The following EEIG2 variants were observed in gnomAD, a reference collection of about 807,000 sequenced individuals.
EEIG2 encodes the protein EEIG family member 2, also known as family with sequence similarity 102 member B.
chr1:108,569,035 A>C, the EEIG2 span, among the ~76,000 whole-genome samples: 1 of 152,228 alleles, frequency 6.6e-6, no homozygotes, highest in African/African-American at 2.4e-5. Flanking sequence ...TCCTTAGAAA[A>C]TAATTTGTTC....
chr1:108,599,094 G>A, the EEIG2 span, among the ~76,000 whole-genome samples: 1 of 152,050 alleles, frequency 6.6e-6, no homozygotes, highest in Non-Finnish European at 1.5e-5. Context: ...TGGCCTGAGA[G>A]GTCAAGGCTG....
At chr1:108,565,336 C>T in the EEIG2 span, among the ~76,000 whole-genome samples, 3 of 152,244 alleles carry the variant, frequency 2.0e-5, no homozygotes, top group Non-Finnish European at 2.9e-5. Context: ...TAGACTATGT[C>T]GTATAGCCTG....
At chr1:108,581,689 A>G in the EEIG2 span, among the ~76,000 whole-genome samples, 3 of 152,200 alleles carry the variant, frequency 2.0e-5, no homozygotes, top group Admixed American at 1.3e-4. Context: ...CTGCAATCTC[A>G]TGATTAAAAC....
the EEIG2 span, among the ~76,000 whole-genome samples, chr1:108,598,760 A>G: frequency 1.3e-5 from 2 of 152,236 alleles, no homozygotes; most frequent in African/African-American, 4.8e-5. Context: ...TGACACACAA[A>G]TACATACTTG....
chr1:108,580,449 T>C, the EEIG2 span, among the ~76,000 whole-genome samples: 1 of 152,326 alleles, frequency 6.6e-6, no homozygotes. Flanking sequence ...TAGCAATGAT[T>C]AAGCTTAGTG....
At chr1:108,611,010 G>A in the EEIG2 span, among the ~76,000 whole-genome samples, 2 of 152,302 alleles carry the variant, frequency 1.3e-5, no homozygotes, top group East Asian at 3.9e-4. Context: ...GGGTATTACT[G>A]CTGCCTGATG....
At chr1:108,580,772 GGTT>G in the EEIG2 span, among the ~76,000 whole-genome samples, 1 of 152,100 alleles carries the variant, frequency 6.6e-6, no homozygotes, top group African/African-American at 2.4e-5. Context: ...AGCTAGCATA[GGTT>G]GATTCACAGG....
chr1:108,579,800 A>AGAGAGAGAGAG, the EEIG2 span, among the ~76,000 whole-genome samples: 17 of 149,330 alleles, frequency 1.1e-4, no homozygotes, highest in South Asian at 2.2e-4. Flanking sequence ...AGAGAGAAAG[A>AGAGAGAGAGAG]AACCCACTCT....
the EEIG2 span, among the ~76,000 whole-genome samples, chr1:108,596,664 CT>C: frequency 6.6e-6 from 1 of 151,836 alleles, no homozygotes; most frequent in Non-Finnish European, 1.5e-5. Context: ...GATGCAGTTT[CT>C]TTTTTATATC....
At chr1:108,630,091 G>T in the EEIG2 span, among the ~76,000 whole-genome samples, 5 of 152,158 alleles carry the variant, frequency 3.3e-5, no homozygotes, top group Admixed American at 1.3e-4. Context: ...TGATCCTCCT[G>T]CCTTAGCCTC....
chr1:108,630,857 T>C, the EEIG2 span, among the ~76,000 whole-genome samples: 1 of 152,184 alleles, frequency 6.6e-6, no homozygotes, highest in Non-Finnish European at 1.5e-5. Context: ...GGTAGCTCCT[T>C]GGACCAAGAC....
chr1:108,597,191 G>T, the EEIG2 span, among the ~76,000 whole-genome samples: 1 of 152,166 alleles, frequency 6.6e-6, no homozygotes, highest in African/African-American at 2.4e-5. Flanking sequence ...TTGGCTGGCT[G>T]TGTCATTGGG....
At chr1:108,585,760 C>T in the EEIG2 span, among the ~76,000 whole-genome samples, 1 of 152,088 alleles carries the variant, frequency 6.6e-6, no homozygotes, top group African/African-American at 2.4e-5. Context: ...TAAGGATAAG[C>T]AAGACAACCA....
the EEIG2 span, among the ~76,000 whole-genome samples, chr1:108,584,506 T>G: frequency 6.3e-3 from 952 of 152,286 alleles, 14 homozygotes; most frequent in African/African-American, 0.021. Flanking sequence ...CTTTGCATGT[T>G]TGCTTTGTTT....
chr1:108,579,772 T>TGAGAGAGAGAGAGA, the EEIG2 span, among the ~76,000 whole-genome samples: 829 of 58,846 alleles, frequency 0.014, 14 homozygotes, highest in East Asian at 0.033. Flanking sequence ...TGTGTGTGTG[T>TGAGAGAGAGAGAGA]GAGAGAGAGA....
chr1:108,625,811 TGTGTGTGTGTG>T, the EEIG2 span: 5,376 of 69,934 alleles, frequency 0.077, 143 homozygotes, highest in East Asian at 0.33. Context: ...TGTGTGTGTG[TGTGTGTGTGTG>T]TGTGTGGAGA....
chr1:108,589,731 C>T, the EEIG2 span, among the ~76,000 whole-genome samples: 1 of 150,712 alleles, frequency 6.6e-6, no homozygotes, highest in Non-Finnish European at 1.5e-5. Context: ...CCTGAATGGC[C>T]TTATCCATTC....
chr1:108,622,830 A>G, the EEIG2 span, among the ~76,000 whole-genome samples: 4 of 152,238 alleles, frequency 2.6e-5, no homozygotes, highest in South Asian at 6.2e-4. Context: ...AAGAATTGCC[A>G]TAAAGCAGGT....
the EEIG2 span, among the ~76,000 whole-genome samples, chr1:108,605,546 C>G: frequency 5.3e-5 from 8 of 152,028 alleles, no homozygotes; most frequent in African/African-American, 1.9e-4. Flanking sequence ...GGGAGTTTGG[C>G]CCTAATAATA....
Sources: gnomAD v4.1 joint callset for allele counts (sites outside exome capture counted in the v4.1 genomes callset) on GRCh38, gnomAD v4.1.1 for gene constraint, MANE v1.5 for transcripts, NCBI Gene and HGNC (gene_info 2026-07-23, HGNC 2026-07-21) for gene names.